The following MUC17 variants were observed in gnomAD, a reference collection of about 807,000 sequenced individuals.
MUC17 encodes mucin-17.
Under a neutral mutation model 170.3 loss-of-function variants are expected in MUC17, and 190 were observed. The ratio of observed to expected loss-of-function variants is 1.12; its 90% CI spans 0.99 to 1.26. The LOEUF (loss-of-function observed/expected upper bound fraction) is 1.26. Among genes scored for constraint, MUC17 ranks in the 50% most tolerant of loss-of-function variants. The pLI, the probability that MUC17 is intolerant of heterozygous loss-of-function variation, is 0.00. For synonymous variants in MUC17, 2,325 were observed against 2,002.5 expected (o/e 1.16, Z -4.30); for missense variants, 6,415 against 5,530.0 (o/e 1.16, Z -5.08).
rs752600376 is a variant in MUC17, at chr7:101,020,182, T to C, written c.47T>C (p.Leu16Pro). The C allele has an allele frequency of 1.2e-6, 2 of 1,609,852 alleles. No homozygotes were observed. Among genetic ancestry groups the C allele is most frequent in the South Asian group, 2.2e-5 (2 of 90,028 alleles). The stretch of plus-strand genomic sequence containing the variant: ...GCGCTGTGTCTGCTGACCTTGGTCC[T>C]CTCGCTCTTGCCCCCACAAGCTGCT... ...TMALCLLTLV[L>P]SLLPPQAAAE... Residue 16 changes from leucine (L) to proline (P), a missense_variant, in exon 1 of 13, where the codon CTC (leucine) becomes CCC (proline). By Grantham distance (98) the Leu-to-Pro change is moderately conservative. Coordinates refer to ENST00000306151, the MANE Select transcript of MUC17 (RefSeq NM_001040105.2).
At position 101,020,114 on chromosome 7, in the gene MUC17, G is replaced by C; in HGVS notation, c.-22G>C. The C allele has an allele frequency of 3.2e-6, 5 of 1,574,476 alleles. No homozygotes were observed. In the South Asian group the frequency reaches 4.7e-5, roughly 15 times the overall value. ...CAGCTCCTCTGGGGGTGACAGGCAA[G>C]TGAGACGTGCTCAGAGCTCCGATGC... On this transcript the variant is annotated 5_prime_UTR_variant, in exon 1 of 13. Transcript: ENST00000306151.
chr7:101,034,750 C>G lies in MUC17; in HGVS notation c.3334C>G (p.Leu1112Val). ...PLTSVPVSTRLVVSSEASTLS... is the reference protein window; with the variant it reads ...PLTSVPVSTRVVVSSEASTLS... The stretch of plus-strand genomic sequence containing the variant: ...AACAAGTGTGCCTGTCAGCACCAGG[C>G]TGGTGGTCAGTTCTGAGGCTAGCAC... The change falls in exon 3 of 13, where the codon CTG (leucine) becomes GTG (valine). Residue 1112 changes from leucine to valine, a missense_variant. Leu to Val is a conservative substitution (Grantham distance 32). Coordinates refer to ENST00000306151, the MANE Select transcript of MUC17 (RefSeq NM_001040105.2). 1 of 1,606,896 alleles carries G rather than the reference C, an allele frequency of 6.2e-7. No homozygotes were observed. Among genetic ancestry groups the G allele is most frequent in the South Asian group, 1.1e-5 (1 of 90,110 alleles).
intron 11 of MUC17, among the ~76,000 whole-genome samples, chr7:101,055,278 C>G (rs1275785706): frequency 6.6e-6 from 1 of 151,946 alleles, no homozygotes; most frequent in Non-Finnish European, 1.5e-5. Context: ...TAGGTATCCA[C>G]TGTCGGTGGG....
chr7:101,058,607 G>C lies in MUC17; in HGVS notation c.*563G>C, dbSNP rs1383188976. 6.6e-6 allele frequency: 1 copy of C among 152,234 alleles called. No individual in the cohort carries two copies. The highest frequency in any genetic ancestry group is 1.5e-5 in the Non-Finnish European group (1 of 68,098). 9.4% of individuals were successfully genotyped at this position (152,234 alleles called of 1,614,324 possible). A position where few individuals can be genotyped will look rare whatever the true frequency, so the allele number is the denominator to read the frequency against. On this transcript the variant is annotated 3_prime_UTR_variant, in exon 13 of 13. Coordinates refer to ENST00000306151, the MANE Select transcript of MUC17 (RefSeq NM_001040105.2). ...CCATGGACAGCGCCCTCGACCCGCT[G>C]TTTACAACCATGACCCCTTGGACAC...
At position 101,031,995 on chromosome 7, in the gene MUC17, G is replaced by C; in HGVS notation, c.579G>C (p.Gln193His). The C allele has an allele frequency of 3.1e-6, 5 of 1,614,100 alleles. No individual in the cohort carries two copies. The highest frequency in any genetic ancestry group is 4.2e-6 in the Non-Finnish European group (5 of 1,180,042). The change falls in exon 3 of 13, where the codon CAG becomes CAC. Residue 193 changes from glutamine (Q) to histidine (H), a missense_variant. Gln to His is a conservative substitution (Grantham distance 24, BLOSUM62 0). Coordinates refer to ENST00000306151, the MANE Select transcript of MUC17 (RefSeq NM_001040105.2). ...GCACACCTCTGACCACTTCTACTCAGGCAAGTTCATCTCCTACTACTCCTG... is the reference window on the plus strand; with the variant it reads ...GCACACCTCTGACCACTTCTACTCACGCAAGTTCATCTCCTACTACTCCTG... ...DMSTPLTTST[Q>H]ASSSPTTPES...
intron 1 of MUC17, among the ~76,000 whole-genome samples, chr7:101,021,829 T>TGGGGCTGGGGATACC (rs1794095057): frequency 6.6e-6 from 1 of 152,160 alleles, no homozygotes; most frequent in Admixed American, 6.5e-5. Flanking sequence ...GCTGAAGTCA[T>TGGGGCTGGGGATACC]GGGGCTGGGG....
Position 101,035,601 on chromosome 7 carries a change from C to A in MUC17, c.4185C>A (p.Thr1395=), listed in dbSNP as rs549788476. 6.2e-7 allele frequency: 1 copy of A among 1,611,982 alleles called. No homozygotes were observed. The highest frequency in any genetic ancestry group is 8.5e-7 in the Non-Finnish European group (1 of 1,179,402). The change falls in exon 3 of 13, where the codon ACC becomes ACA. Residue 1395 remains threonine (T), a synonymous_variant. Transcript: ENST00000306151. ...CAAACTCAAATCCTAGTGAAGGAACCACTCCGTTAACAAGTATACCTGTCA... is the reference window on the plus strand; with the variant it reads ...CAAACTCAAATCCTAGTGAAGGAACAACTCCGTTAACAAGTATACCTGTCA... ...SMPNSNPSEG[T]TPLTSIPVST... is the part of the protein sequence containing the mutation.
At position 101,035,324 on chromosome 7, in the gene MUC17, T is replaced by G. The variant is rs1794432987; in HGVS notation, c.3908T>G (p.Val1303Gly). ...GCTAGCACCCTTTTAACAACTCCTG[T>G]TGACACTAAAGGTCCTGTGGTCACT... ...PEASTLLTTP[V>G]DTKGPVVTSN... is the part of the protein sequence containing the mutation. Residue 1303 changes from valine (V) to glycine (G), a missense_variant, in exon 3 of 13, where the codon GTT (valine) becomes GGT (glycine). Coordinates refer to ENST00000306151, the MANE Select transcript of MUC17 (RefSeq NM_001040105.2). 3.1e-6 allele frequency: 5 copies of G among 1,610,608 alleles called. No individual in the cohort carries two copies. Among genetic ancestry groups the G allele is most frequent in the Non-Finnish European group, 3.4e-6 (4 of 1,177,896 alleles).
intron 1 of MUC17, among the ~76,000 whole-genome samples, chr7:101,025,212 T>C (rs1794159149): frequency 6.7e-6 from 1 of 149,358 alleles, no homozygotes; most frequent in Non-Finnish European, 1.5e-5. Context: ...CAAAAAAATG[T>C]AAAAATTAGG....
Position 101,034,966 on chromosome 7 carries a change from C to T in MUC17, c.3550C>T (p.Pro1184Ser). 1 of 1,614,032 alleles carries T rather than the reference C, an allele frequency of 6.2e-7. No homozygotes were observed. Among genetic ancestry groups the T allele is most frequent in the Non-Finnish European group, 8.5e-7 (1 of 1,179,986 alleles). The change falls in exon 3 of 13, where the codon CCT (proline) becomes TCT (serine). Residue 1184 changes from proline to serine, a missense_variant. Physicochemically the swap from Pro to Ser is moderately conservative, Grantham distance 74. Coordinates refer to ENST00000306151, the MANE Select transcript of MUC17 (RefSeq NM_001040105.2). ...SSEANTLSTT[P>S]VDSKTQVATS... ...TGAGGCTAACACCCTTTCAACAACT[C>T]CTGTGGACTCCAAAACTCAGGTGGC...
At chr7:101,020,913 T>C (rs1794065246) in intron 1 of MUC17, among the ~76,000 whole-genome samples, 2 of 152,198 alleles carry the variant, frequency 1.3e-5, no homozygotes, top group Admixed American at 1.3e-4. Context: ...CTGGACTCTC[T>C]GGGAGCTCCC....
At position 101,041,892 on chromosome 7, in the gene MUC17, T is replaced by A. The variant is rs1321710905; in HGVS notation, c.10476T>A (p.Ser3492=). ...ACACCAGCACACCTGTGACCACTTC[T>A]TCTCCAACCAATTCATCTCCTACAA... The part of the protein sequence containing the change: ...PVDTSTPVTT[S]SPTNSSPTTA... Residue 3492 remains serine (S), a synonymous_variant, in exon 3 of 13, where the codon TCT becomes TCA. Coordinates refer to ENST00000306151, the MANE Select transcript of MUC17 (RefSeq NM_001040105.2). 1.9e-6 allele frequency: 3 copies of A among 1,613,922 alleles called. No individual in the cohort carries two copies. In the African/African-American group the frequency reaches 4.0e-5, roughly 22 times the overall value.
rs750807323 is a variant in MUC17, at chr7:101,041,903, A to G, written c.10487A>G (p.Asn3496Ser). The change falls in exon 3 of 13, where the codon AAT becomes AGT. Residue 3496 changes from asparagine (N) to serine (S), a missense_variant. By Grantham distance (46) the Asn-to-Ser change is conservative. Transcript: ENST00000306151. Reference protein sequence around the residue: ...STPVTTSSPTNSSPTTAEVTS... With the variant: ...STPVTTSSPTSSSPTTAEVTS... ...CCTGTGACCACTTCTTCTCCAACCA[A>G]TTCATCTCCTACAACTGCTGAAGTT... 5.6e-6 allele frequency: 9 copies of G among 1,596,918 alleles called. No individual in the cohort carries two copies. The highest frequency in any genetic ancestry group is 4.3e-5 in the African/African-American group (3 of 69,422).
Position 101,052,014 on chromosome 7 carries a change from C to T in MUC17, c.13103+52C>T, listed in dbSNP as rs551415694. 2.9e-5 allele frequency: 46 copies of T among 1,575,054 alleles called. No individual in the cohort carries two copies. The East Asian group carries it at 9.9e-4, about 34-fold the overall frequency. On this transcript the variant is annotated intron_variant, in intron 9 of 12. Coordinates refer to ENST00000306151, the MANE Select transcript of MUC17 (RefSeq NM_001040105.2). ...CCAGCCCAGACGTCCTGGTCCTCCC[C>T]TCCCCTGCAGGGCTTCACCCCAGGC...
intron 7 of MUC17, 92 bp downstream of exon 7, chr7:101,050,727 T>C (rs1794925083): frequency 6.7e-7 from 1 of 1,495,816 alleles, no homozygotes; most frequent in South Asian, 1.3e-5. Flanking sequence ...GTGAGGATGG[T>C]TAATGGGTGG....
In MUC17 at chr7:101,032,825, G is replaced by C. The variant is rs756124682; in HGVS notation, c.1409G>C (p.Ser470Thr). 7.4e-6 allele frequency: 12 copies of C among 1,613,838 alleles called. No homozygotes were observed. Among genetic ancestry groups the C allele is most frequent in the Non-Finnish European group, 1.0e-5 (12 of 1,179,972 alleles). Residue 470 changes from serine to threonine, a missense_variant, in exon 3 of 13, where the codon AGC becomes ACC. Coordinates refer to ENST00000306151, the MANE Select transcript of MUC17 (RefSeq NM_001040105.2). ...ACTCCAGTGGCCAGTTCTGAGGCTAGCAACCTTTCAACAACTCCTGTTGAC... is the reference window on the plus strand; with the variant it reads ...ACTCCAGTGGCCAGTTCTGAGGCTACCAACCTTTCAACAACTCCTGTTGAC... The part of the protein sequence containing the change: ...STTPVASSEA[S>T]NLSTTPVDSK...
At chr7:101,044,767 T>C (rs1265070792) in intron 3 of MUC17, among the ~76,000 whole-genome samples, 7 of 152,232 alleles carry the variant, frequency 4.6e-5, no homozygotes, top group African/African-American at 1.7e-4. Context: ...GATTTTCTCA[T>C]TGATTTTGTT....
At position 101,033,313 on chromosome 7, in the gene MUC17, A is replaced by G. The variant is rs776451160; in HGVS notation, c.1897A>G (p.Ser633Gly). 6.2e-6 allele frequency: 10 copies of G among 1,613,520 alleles called. No homozygotes were observed. The highest frequency in any genetic ancestry group is 4.2e-6 in the Non-Finnish European group (5 of 1,179,786). Residue 633 changes from serine (S) to glycine (G), a missense_variant, in exon 3 of 13, where the codon AGT becomes GGT. Physicochemically the swap from Ser to Gly is moderately conservative, Grantham distance 56. Coordinates refer to ENST00000306151, the MANE Select transcript of MUC17 (RefSeq NM_001040105.2). Reference protein sequence around the residue: ...TYSERGTTITSMSVSTTLVAS... With the variant: ...TYSERGTTITGMSVSTTLVAS... ...CAGTGAAAGAGGCACTACAATAACA[A>G]GTATGTCTGTCAGCACCACACTGGT...
In MUC17 at chr7:101,041,874, C is replaced by A. The variant is rs1427904699; in HGVS notation, c.10458C>A (p.Ser3486Arg). 4 of 1,614,078 alleles carry A rather than the reference C, an allele frequency of 2.5e-6. No individual in the cohort carries two copies. Among genetic ancestry groups the A allele is most frequent in the Non-Finnish European group, 3.4e-6 (4 of 1,179,980 alleles). Residue 3486 changes from serine (S) to arginine (R), a missense_variant, in exon 3 of 13, where the codon AGC (serine) becomes AGA (arginine). Physicochemically the swap from Ser to Arg is moderately radical, Grantham distance 110 (BLOSUM62 -1). Transcript: ENST00000306151. Reference protein sequence around the residue: ...STLSTTPVDTSTPVTTSSPTN... With the variant: ...STLSTTPVDTRTPVTTSSPTN... ...TTTCAACAACTCCTGTTGACACCAG[C>A]ACACCTGTGACCACTTCTTCTCCAA... is the stretch of plus-strand genomic sequence containing the variant.
Sources: gnomAD v4.1 joint callset for allele counts (sites outside exome capture counted in the v4.1 genomes callset) on GRCh38, gnomAD v4.1.1 for gene constraint, MANE v1.5 for transcripts, NCBI Gene and HGNC (gene_info 2026-07-23, HGNC 2026-07-21) for gene names.